Variants in EYA4 observed in about 807,000 individuals in gnomAD.
The protein encoded by EYA4 is protein phosphatase EYA4.
In EYA4, 31 loss-of-function variants were observed where a neutral mutation model predicts 87.9. The observed-to-expected ratio is 0.35, with a 90% CI of 0.27 to 0.48. EYA4 has a LOEUF of 0.48. Ranked by LOEUF, EYA4 falls within the 20% of genes least tolerant of loss-of-function variation. The pLI is 0.99. For missense variants in EYA4, 678 were observed against 761.4 expected (o/e 0.89, Z 1.29); for synonymous variants, 263 against 270.6 (o/e 0.97, Z 0.28).
At chr6:133,344,967 T>C (rs757810843) in intron 2 of EYA4, among the ~76,000 whole-genome samples, 4 of 152,138 alleles carry the variant, frequency 2.6e-5, no homozygotes, top group Non-Finnish European at 4.4e-5. Context: ...CTCTACTTAA[T>C]AGGGTTAAAT....
At chr6:133,348,192 G>GCCT (rs1783343121) in intron 2 of EYA4, among the ~76,000 whole-genome samples, 1 of 149,708 alleles carries the variant, frequency 6.7e-6, no homozygotes, top group African/African-American at 2.5e-5. Context: ...AAATTTTGAA[G>GCCT]CCTTCAGACC....
chr6:133,368,746 C>T (rs1785044789), intron 2 of EYA4, among the ~76,000 whole-genome samples: 1 of 152,176 alleles, frequency 6.6e-6, no homozygotes. Flanking sequence ...AAAACCTGGG[C>T]TGACCATGTG....
At chr6:133,500,562 G>A (rs569437035) in intron 13 of EYA4, among the ~76,000 whole-genome samples, 3 of 152,124 alleles carry the variant, frequency 2.0e-5, no homozygotes, top group African/African-American at 7.2e-5. Context: ...TCCCAATTCT[G>A]TACAAACCTC....
intron 11 of EYA4, among the ~76,000 whole-genome samples, chr6:133,480,227 G>A (rs936752327): frequency 2.0e-5 from 3 of 152,194 alleles, no homozygotes; most frequent in Non-Finnish European, 2.9e-5. Flanking sequence ...AACTAGGAGA[G>A]TGCAAGGTAT....
intron 2 of EYA4, among the ~76,000 whole-genome samples, chr6:133,312,999 C>T (rs1780349053): frequency 3.3e-5 from 5 of 152,296 alleles, no homozygotes; most frequent in Admixed American, 3.3e-4. Flanking sequence ...GGTGTATCCA[C>T]ATCTCCTAAG....
Position 133,403,673 on chromosome 6 carries a change from A to G in EYA4, c.83+21232A>G, listed in dbSNP as rs375382743. Among the ~76,000 whole-genome samples the G allele has an allele frequency of 5.8e-4, 89 of 152,322 alleles. 1 individual carries two copies. The highest frequency in any genetic ancestry group is 1.9e-3 in the African/African-American group (81 of 41,570). On this transcript the variant is annotated intron_variant, in intron 3 of 19. Coordinates refer to ENST00000355286, the MANE Select transcript of EYA4 (RefSeq NM_004100.5). Reference sequence around the variant, plus strand: ...TGAGCTTATGTGCCTAAAATAATCCACTCAAATCTGGATAAATCATAGTCT... The same window carrying G: ...TGAGCTTATGTGCCTAAAATAATCCGCTCAAATCTGGATAAATCATAGTCT...
At chr6:133,430,219 A>G (rs1791068584) in intron 3 of EYA4, among the ~76,000 whole-genome samples, 2 of 152,248 alleles carry the variant, frequency 1.3e-5, no homozygotes, top group Non-Finnish European at 2.9e-5. Context: ...TAATGGAATC[A>G]TGTCCTTTTC....
At chr6:133,266,539 A>C (rs1421108540) in intron 1 of EYA4, among the ~76,000 whole-genome samples, 1 of 152,218 alleles carries the variant, frequency 6.6e-6, no homozygotes, top group East Asian at 1.9e-4. Flanking sequence ...GCTATGTTGT[A>C]AATAAACAGT....
At chr6:133,261,893 T>C (rs1389156862) in intron 1 of EYA4, among the ~76,000 whole-genome samples, 1 of 152,242 alleles carries the variant, frequency 6.6e-6, no homozygotes, top group African/African-American at 2.4e-5. Flanking sequence ...ACAAATGTTA[T>C]TAAAAGCCCT....
intron 2 of EYA4, among the ~76,000 whole-genome samples, chr6:133,304,251 TTATC>T (rs567000817): frequency 1.3e-5 from 2 of 152,144 alleles, no homozygotes; most frequent in Non-Finnish European, 1.5e-5. Flanking sequence ...AATTACTTAA[TTATC>T]TAGTGGGGAA....
intron 2 of EYA4, among the ~76,000 whole-genome samples, chr6:133,365,466 G>A (rs1487075959): frequency 6.6e-6 from 1 of 152,074 alleles, no homozygotes; most frequent in Non-Finnish European, 1.5e-5. Context: ...CAATGCCATC[G>A]AAAGATTATT....
intron 3 of EYA4, among the ~76,000 whole-genome samples, chr6:133,406,882 T>A (rs186721663): frequency 2.0e-5 from 3 of 152,308 alleles, no homozygotes; most frequent in Admixed American, 2.0e-4. Flanking sequence ...AAATGCAGAA[T>A]AATTTAAAAT....
chr6:133,291,686 G>C (rs147519275), intron 2 of EYA4, among the ~76,000 whole-genome samples: 1 of 152,126 alleles, frequency 6.6e-6, no homozygotes, highest in Admixed American at 6.5e-5. Context: ...GAGGCAAATA[G>C]TGCCAAGGTG....
At chr6:133,241,046 G>A (rs925928677), upstream of EYA4, among the ~76,000 whole-genome samples, 20 of 152,034 alleles carry the variant, frequency 1.3e-4, no homozygotes, top group Admixed American at 9.8e-4. Flanking sequence ...GGTGGGGGCG[G>A]GGTGGGGGCG....
intron 17 of EYA4, among the ~76,000 whole-genome samples, chr6:133,522,175 T>TG (rs918030959): frequency 6.6e-6 from 1 of 150,936 alleles, no homozygotes; most frequent in Non-Finnish European, 1.5e-5. Flanking sequence ...AGTAGTTTTT[T>TG]TTTTTTTTTA....
chr6:133,414,297 C>T (rs914040339), intron 3 of EYA4, among the ~76,000 whole-genome samples: 13 of 151,624 alleles, frequency 8.6e-5, no homozygotes, highest in East Asian at 1.9e-4. Flanking sequence ...GTTTAGATTT[C>T]GAAAAAAAAG....
chr6:133,359,790 A>G (rs1193314765), intron 2 of EYA4, among the ~76,000 whole-genome samples: 1 of 152,242 alleles, frequency 6.6e-6, no homozygotes, highest in Admixed American at 6.5e-5. Flanking sequence ...AAGAGTTTCA[A>G]ATCAATTGTG....
Position 133,483,033 on chromosome 6 carries a change from G to A in EYA4, c.1109G>A (p.Arg370His), listed in dbSNP as rs143936434. The A allele has an allele frequency of 2.7e-5, 43 of 1,611,724 alleles. No individual in the cohort carries two copies. Among genetic ancestry groups the A allele is most frequent in the South Asian group, 4.4e-5 (4 of 90,972 alleles). Residue 370 changes from arginine to histidine, a missense_variant and splice_region_variant, in exon 13 of 20, where the codon CGT (arginine) becomes CAT (histidine). Physicochemically the swap from Arg to His is conservative, Grantham distance 29. Transcript: ENST00000355286. ...CTGATATTTATTTTTTGTCTTCAGCGTGTGTTTGTCTGGGATTTGGATGAA... is the reference window on the plus strand; with the variant it reads ...CTGATATTTATTTTTTGTCTTCAGCATGTGTTTGTCTGGGATTTGGATGAA... The part of the protein sequence containing the change: ...PSPPPDSDLE[R>H]VFVWDLDETI...
chr6:133,518,272 C>T (rs1192711483), intron 17 of EYA4, among the ~76,000 whole-genome samples: 3 of 151,438 alleles, frequency 2.0e-5, no homozygotes, highest in African/African-American at 7.3e-5. Flanking sequence ...AAACAGATGG[C>T]TTTAAGGCAA....
Sources: gnomAD v4.1 joint callset for allele counts (sites outside exome capture counted in the v4.1 genomes callset) on GRCh38, gnomAD v4.1.1 for gene constraint, MANE v1.5 for transcripts, NCBI Gene and HGNC (gene_info 2026-07-23, HGNC 2026-07-21) for gene names.